The following MAP3K5 variants were observed in gnomAD, a reference collection of about 807,000 sequenced individuals.
MAP3K5 encodes the protein ASK-1.
Under a neutral mutation model 158.7 loss-of-function variants are expected in MAP3K5, and 56 were observed. That is an observed-to-expected ratio of 0.35 (90% confidence interval 0.28 to 0.44). The LOEUF (loss-of-function observed/expected upper bound fraction) is 0.44, where lower values mean the gene tolerates loss of function less well. Among genes scored for constraint, MAP3K5 ranks in the 20% least tolerant of loss-of-function variants. The pLI, the probability that MAP3K5 is intolerant of heterozygous loss-of-function variation, is 1.00. For synonymous variants in MAP3K5, 579 were observed against 601.7 expected (o/e 0.96, Z 0.55); for missense variants, 1,294 against 1,674.8 (o/e 0.77, Z 3.97).
At chr6:136,569,672 A>G (rs1422443567) in intron 25 of MAP3K5, among the ~76,000 whole-genome samples, 1 of 152,136 alleles carries the variant, frequency 6.6e-6, no homozygotes, top group Admixed American at 6.5e-5. Context: ...GTATACAACC[A>G]AGCTATACCC....
At chr6:136,579,854 T>C (rs1164171816) in intron 25 of MAP3K5, 1 of 456,828 alleles carries the variant, frequency 2.2e-6, no homozygotes, top group Non-Finnish European at 4.4e-6. Context: ...CAGATTCTTA[T>C]TTGGCTTCAG....
At position 136,557,232 on chromosome 6, in the gene MAP3K5, C is replaced by T. The variant is rs2129066572; in HGVS notation, c.*526G>A. The stretch of plus-strand genomic sequence containing the variant: ...AATAGAGTCAATATTACAATTAACA[C>T]AGAGAAGTAAAAACCATTGCTCTCA... On this transcript the variant is annotated 3_prime_UTR_variant, in exon 30 of 30. Transcript: ENST00000359015. The T allele has an allele frequency of 1.9e-5, 3 of 154,086 alleles. No individual in the cohort carries two copies. The East Asian group carries it at 5.8e-4, about 30-fold the overall frequency. 9.5% of individuals were successfully genotyped at this position (154,086 alleles called of 1,614,324 possible). A position where few individuals can be genotyped will look rare whatever the true frequency, so the allele number is the denominator to read the frequency against.
rs188552107 is a variant in MAP3K5, at chr6:136,705,045, C to T, written c.612+65G>A. On this transcript the variant is annotated intron_variant, in intron 3 of 29. Transcript: ENST00000359015. ...ATAATTTGTGGAGATTTTAAAAATA[C>T]CAAAGATTAGTTAATGGAAAAGAAA... The T allele has an allele frequency of 2.9e-5, 22 of 767,116 alleles. No individual in the cohort carries two copies. In the Admixed American group the frequency reaches 5.0e-4, roughly 17 times the overall value. 47.5% of individuals were successfully genotyped at this position (767,116 alleles called of 1,614,324 possible). A position where few individuals can be genotyped will look rare whatever the true frequency, so the allele number is the denominator to read the frequency against.
chr6:136,694,185 T>C lies in MAP3K5; in HGVS notation c.1208A>G (p.Asp403Gly), dbSNP rs1477475207. The C allele has an allele frequency of 6.2e-7, 1 of 1,613,754 alleles. No homozygotes were observed. The highest frequency in any genetic ancestry group is 2.2e-5 in the East Asian group (1 of 44,830). The stretch of plus-strand genomic sequence containing the variant: ...GCTTTCAGTGTCCGTGAAATTAGAG[T>C]CCAAAAACATATCTTTGTAGATTCG... ...VGRIYKDMFL[D>G]SNFTDTESRD... is the part of the protein sequence containing the mutation. Residue 403 changes from aspartate (D) to glycine (G), a missense_variant, in exon 7 of 30, where the codon GAC becomes GGC. By Grantham distance (94) the Asp-to-Gly change is moderately conservative. Coordinates refer to ENST00000359015, the MANE Select transcript of MAP3K5 (RefSeq NM_005923.4).
intron 1 of MAP3K5, among the ~76,000 whole-genome samples, chr6:136,767,727 GC>G (rs1280150942): frequency 1.3e-5 from 2 of 152,132 alleles, no homozygotes; most frequent in Admixed American, 1.3e-4. Context: ...AACCAAAATA[GC>G]CTAAACAGTC....
chr6:136,666,556 T>C (rs1336820397), intron 8 of MAP3K5, among the ~76,000 whole-genome samples: 1 of 152,194 alleles, frequency 6.6e-6, no homozygotes, highest in Admixed American at 6.5e-5. Flanking sequence ...AGGTGTATCT[T>C]TAAAATATGC....
In MAP3K5 at chr6:136,594,365, T is replaced by TGGGGAA. The variant is rs530694993; in HGVS notation, c.2879-1757_2879-1752dup. Among the ~76,000 whole-genome samples the TGGGGAA allele has an allele frequency of 1.5e-4, 23 of 152,292 alleles. No individual in the cohort carries two copies. In the South Asian group the frequency reaches 4.6e-3, roughly 30 times the overall value. On this transcript the variant is annotated intron_variant, in intron 21 of 29. Transcript: ENST00000359015. ...CACCAAACTGCTTTTGAGTCATTCC[T>TGGGGAA]GGGGAAGGTCAAGGTCTATAGTGTG...
chr6:136,792,153 C>T lies in MAP3K5; in HGVS notation c.5G>A (p.Ser2Asn). 1 of 1,559,338 alleles carries T rather than the reference C, an allele frequency of 6.4e-7. No homozygotes were observed. Among genetic ancestry groups the T allele is most frequent in the Non-Finnish European group, 8.7e-7 (1 of 1,155,008 alleles). ...AGTGATGCCCTCGTCCGCCTCCGTG[C>T]TCATCTCTCCGGGCCGGGCAGCAAC... is the stretch of plus-strand genomic sequence containing the variant. M[S>N]TEADEGITFS... The change falls in exon 1 of 30, where the codon AGC becomes AAC. Residue 2 changes from serine (S) to asparagine (N), a missense_variant. Coordinates refer to ENST00000359015, the MANE Select transcript of MAP3K5 (RefSeq NM_005923.4). This position sits in a 1 kb window ranked among gnomAD's most constrained non-coding sequence, Gnocchi z 5.7.
intron 7 of MAP3K5, among the ~76,000 whole-genome samples, chr6:136,672,193 T>C (rs983263707): frequency 7.9e-5 from 12 of 152,176 alleles, no homozygotes; most frequent in African/African-American, 2.9e-4. Flanking sequence ...AAGTAAGATG[T>C]AGTCGTCTAC....
chr6:136,585,469 T>TTTCTTTCTTTC (rs150800306), intron 23 of MAP3K5, among the ~76,000 whole-genome samples: 1 of 131,424 alleles, frequency 7.6e-6, no homozygotes, highest in Non-Finnish European at 1.6e-5. Flanking sequence ...CTTTCTTTTC[T>TTTCTTTCTTTC]TTTCTTTATT....
intron 2 of MAP3K5, among the ~76,000 whole-genome samples, chr6:136,709,343 C>A (rs1583456937): frequency 3.3e-5 from 5 of 152,310 alleles, no homozygotes; most frequent in Admixed American, 3.3e-4. Context: ...AGCCATTTCA[C>A]TTCTCTCTAA....
chr6:136,650,027 T>C (rs1297582310), intron 11 of MAP3K5, among the ~76,000 whole-genome samples: 6 of 152,216 alleles, frequency 3.9e-5, no homozygotes, highest in African/African-American at 1.4e-4. Flanking sequence ...CTTCTCACCA[T>C]TGAATATACC....
chr6:136,714,073 C>A (rs920201569), intron 2 of MAP3K5, among the ~76,000 whole-genome samples: 4 of 152,128 alleles, frequency 2.6e-5, no homozygotes, highest in African/African-American at 2.4e-5. Flanking sequence ...TAATTCCATG[C>A]ACAACTCAAG....
At chr6:136,670,259 A>G (rs1779424822) in intron 7 of MAP3K5, among the ~76,000 whole-genome samples, 1 of 152,090 alleles carries the variant, frequency 6.6e-6, no homozygotes, top group South Asian at 2.1e-4. Context: ...ACTTCCTAGG[A>G]TACTTTTAAG....
chr6:136,613,209 T>C lies in MAP3K5; in HGVS notation c.2326A>G (p.Asn776Asp). The C allele has an allele frequency of 1.2e-6, 2 of 1,613,614 alleles. No homozygotes were observed. The highest frequency in any genetic ancestry group is 1.7e-6 in the Non-Finnish European group (2 of 1,179,752). ...GTATAAAAGCCAATTGTTTGCTCAT[T>C]GTCTTTTAATGGACCCCATTTGGAA... ...LRSKWGPLKD[N>D]EQTIGFYTKQ... The change falls in exon 17 of 30, where the codon AAT (asparagine) becomes GAT (aspartate). Residue 776 changes from asparagine to aspartate, a missense_variant. Asn to Asp is a conservative substitution (Grantham distance 23). Around this residue, in one of 5 missense-constraint regions of MAP3K5, gnomAD observed 41 missense variants for 98.2 expected, o/e 0.42. Transcript: ENST00000359015. This position sits in a 1 kb window ranked among gnomAD's most constrained non-coding sequence, Gnocchi z 4.0.
intron 26 of MAP3K5, among the ~76,000 whole-genome samples, chr6:136,562,884 C>T (rs1465060563): frequency 7.5e-6 from 1 of 132,770 alleles, no homozygotes. Context: ...GCTATGTTGT[C>T]CAAGCTGGTC....
At chr6:136,636,952 T>C in intron 14 of MAP3K5, 1 of 1,030,062 alleles carries the variant, frequency 9.7e-7, no homozygotes, top group Non-Finnish European at 1.2e-6. Context: ...AGCATATTAA[T>C]GCCTGCCACA....
intron 21 of MAP3K5, among the ~76,000 whole-genome samples, chr6:136,593,025 A>G (rs1014770706): frequency 3.9e-5 from 6 of 152,148 alleles, no homozygotes; most frequent in African/African-American, 1.2e-4. Flanking sequence ...TGTCTCCATT[A>G]GCATCTTGGG....
At chr6:136,781,900 A>G (rs1441257859) in intron 1 of MAP3K5, among the ~76,000 whole-genome samples, 2 of 152,104 alleles carry the variant, frequency 1.3e-5, no homozygotes, top group African/African-American at 2.4e-5. Context: ...CCATATTACA[A>G]AACTTGAGCG....
Sources: allele counts gnomAD v4.1 joint callset (sites outside exome capture counted in the v4.1 genomes callset), GRCh38; gene constraint gnomAD v4.1.1; regional missense constraint gnomAD v4.1.1; non-coding constraint Gnocchi (gnomAD v3.1); transcripts MANE v1.5; gene names NCBI Gene and HGNC (gene_info 2026-07-23, HGNC 2026-07-21).